The following MAX variants were observed in gnomAD, a reference collection of about 807,000 sequenced individuals.
The protein encoded by MAX is protein max.
MAX carries 3 observed loss-of-function variants against 22.3 expected under a neutral mutation model. The observed-to-expected ratio is 0.13, with a 90% CI of 0.06 to 0.35. The LOEUF is 0.35. Ranked by LOEUF, MAX falls within the 10% of genes least tolerant of loss-of-function variation. The pLI, the probability that MAX is intolerant of heterozygous loss-of-function variation, is 1.00. For missense variants in MAX, 119 were observed against 209.4 expected, an observed-to-expected ratio of 0.57 and a Z score of 2.66; for synonymous variants, 72 against 77.7, an observed-to-expected ratio of 0.93 and a Z score of 0.39.
At chr14:65,059,333 CT>C (rs549995463) in intron 3 of MAX, among the ~76,000 whole-genome samples, 68 of 146,652 alleles carry the variant, frequency 4.6e-4, no homozygotes, top group Non-Finnish European at 6.7e-4. Context: ...GCACTAGCCC[CT>C]TTTTTTTTTT....
chr14:65,022,493 G>T (rs776975458), intron 3 of MAX, among the ~76,000 whole-genome samples: 8 of 151,880 alleles, frequency 5.3e-5, no homozygotes, highest in Non-Finnish European at 1.0e-4. Context: ...ATTTTGCTGG[G>T]TAGCTTTCTC....
chr14:65,045,445 G>A (rs954576703), intron 3 of MAX, among the ~76,000 whole-genome samples: 8 of 126,116 alleles, frequency 6.3e-5, no homozygotes, highest in Admixed American at 1.1e-4. Flanking sequence ...AGATGGAGTC[G>A]TGCTCTGTCT....
chr14:65,094,321 C>G (rs531531723), intron 2 of MAX: 2 of 193,780 alleles, frequency 1.0e-5, no homozygotes, highest in African/African-American at 4.6e-5. Flanking sequence ...CACTAAAAGG[C>G]ACTAGTTTAA....
chr14:65,047,742 G>A lies in MAX; in HGVS notation c.172-41458C>T, dbSNP rs1354844636. ...TAGCAGCCTAAGTGCCTATCAAAAG[G>A]TTAAGGGTTAAATAATAAAAATCTC... is the stretch of plus-strand genomic sequence containing the variant. On this transcript the variant is annotated intron_variant, in intron 3 of 3. Transcript: ENST00000341653. This position sits in a 1 kb window ranked among gnomAD's most constrained non-coding sequence, Gnocchi z 5.2. Among the ~76,000 whole-genome samples, 1 of 152,128 alleles carries A rather than the reference G, an allele frequency of 6.6e-6. No homozygotes were observed. The highest frequency in any genetic ancestry group is 2.4e-5 in the African/African-American group (1 of 41,424).
At chr14:65,092,981 C>T (rs2063552637) in intron 3 of MAX, among the ~76,000 whole-genome samples, 1 of 152,206 alleles carries the variant, frequency 6.6e-6, no homozygotes, top group Non-Finnish European at 1.5e-5. Flanking sequence ...ATGGAACTAG[C>T]CATGCAGATG....
At chr14:65,055,627 G>A (rs1194322157) in intron 3 of MAX, among the ~76,000 whole-genome samples, 15 of 151,426 alleles carry the variant, frequency 9.9e-5, no homozygotes, top group Admixed American at 7.3e-4. Flanking sequence ...AGCAATTCTC[G>A]TGCCTCAGCC....
rs181761595 is a variant in MAX at position 65,099,274 on chromosome 14, T to C, written c.63+2272A>G. ...TAATTACATTGTGCAGAGTAATATT[T>C]AGAAATATCAACAAATAGATGTGTT... On this transcript the variant is annotated intron_variant, in intron 2 of 4. Transcript: ENST00000358664. 5.0e-3 allele frequency among the ~76,000 whole-genome samples: 767 copies of C among 152,178 alleles called. 1 individual carries two copies. The highest frequency in any genetic ancestry group is 8.1e-3 in the Non-Finnish European group (554 of 68,012).
chr14:65,074,894 T>C (rs573844986), downstream of MAX, among the ~76,000 whole-genome samples: 2 of 152,344 alleles, frequency 1.3e-5, no homozygotes, highest in East Asian at 3.9e-4. Context: ...TACATCCCTG[T>C]TGAACCTCAA....
At chr14:65,067,005 G>C (rs1372767976) in intron 3 of MAX, among the ~76,000 whole-genome samples, 1 of 147,336 alleles carries the variant, frequency 6.8e-6, no homozygotes, top group Non-Finnish European at 1.5e-5. Flanking sequence ...GCCACACTCT[G>C]TCTCTACAAA....
chr14:65,020,357 C>T (rs1051776283), intron 3 of MAX, among the ~76,000 whole-genome samples: 4 of 152,214 alleles, frequency 2.6e-5, no homozygotes, highest in Non-Finnish European at 4.4e-5. Context: ...AATTGATCCT[C>T]CTGCCTTAGC....
intron 3 of MAX, among the ~76,000 whole-genome samples, chr14:65,043,302 T>C (rs1420925518): frequency 6.6e-6 from 1 of 152,208 alleles, no homozygotes; most frequent in East Asian, 1.9e-4. Context: ...AAGCAAGGAA[T>C]GGTGGTATCG....
chr14:65,096,005 T>A (rs929615261), intron 2 of MAX, among the ~76,000 whole-genome samples: 1 of 152,164 alleles, frequency 6.6e-6, no homozygotes, highest in Non-Finnish European at 1.5e-5. Flanking sequence ...AGGACTCAAA[T>A]GGACAAGTCT....
chr14:65,010,098 T>A (rs925038670), intron 3 of MAX, among the ~76,000 whole-genome samples: 3 of 152,200 alleles, frequency 2.0e-5, no homozygotes, highest in South Asian at 2.1e-4. Flanking sequence ...TTCTGTGGTT[T>A]GTTGTCTTTT....
At position 65,012,284 on chromosome 14, in the gene MAX, T is replaced by G; in HGVS notation, c.172-6000A>C. On this transcript the variant is annotated intron_variant, in intron 3 of 3. Coordinates refer to the MAX transcript ENST00000341653. The surrounding 1 kb of genome is among the most constrained non-coding windows in gnomAD (Gnocchi z 5.0). The stretch of plus-strand genomic sequence containing the variant: ...TGTGTATGGTGGAAGCATAAGCTAT[T>G]AGAATGGGCTTATAAACTGTTTGTC... 6.2e-7 allele frequency: 1 copy of G among 1,613,606 alleles called. No homozygotes were observed.
In MAX at chr14:65,011,636, G is replaced by C. The variant is rs1197593781; in HGVS notation, c.172-5352C>G. ...CCTAGTCACACAGGCTCTTCTGCCA[G>C]ACCAAGAAAGAAGTGCAGCCTCTGT... On this transcript the variant is annotated intron_variant, in intron 3 of 3. Coordinates refer to the MAX transcript ENST00000341653. This position sits in a 1 kb window ranked among gnomAD's most constrained non-coding sequence, Gnocchi z 4.0. 6.6e-6 allele frequency among the ~76,000 whole-genome samples: 1 copy of C among 152,176 alleles called. No homozygotes were observed. The highest frequency in any genetic ancestry group is 2.4e-5 in the African/African-American group (1 of 41,438).
At chr14:65,063,711 C>T (rs1344427403) in intron 3 of MAX, among the ~76,000 whole-genome samples, 2 of 152,102 alleles carry the variant, frequency 1.3e-5, no homozygotes, top group Non-Finnish European at 1.5e-5. Flanking sequence ...ACCACAGGTG[C>T]ACACCACCAC....
rs983510769 is a variant in MAX, at chr14:65,029,431, C to G, written c.172-23147G>C. On this transcript the variant is annotated intron_variant, in intron 3 of 3. Coordinates refer to the MAX transcript ENST00000341653. The surrounding 1 kb of genome is among the most constrained non-coding windows in gnomAD (Gnocchi z 4.7). ...GCCCTTCTGGGATAGACAGCAGTCT[C>G]TGGATGATCTTTCTGCTCTGTTACA... 6.6e-6 allele frequency among the ~76,000 whole-genome samples: 1 copy of G among 152,198 alleles called. No homozygotes were observed. Among genetic ancestry groups the G allele is most frequent in the Non-Finnish European group, 1.5e-5 (1 of 68,038 alleles).
chr14:65,072,847 G>C (rs538462267), downstream of MAX, among the ~76,000 whole-genome samples: 2 of 152,222 alleles, frequency 1.3e-5, no homozygotes, highest in African/African-American at 4.8e-5. Flanking sequence ...CTTTAGTCTC[G>C]AAGAGTTTGT....
exon 4 of MAX, chr14:65,006,233 G>A (rs2061587485): frequency 1.9e-6 from 3 of 1,612,794 alleles, no homozygotes; most frequent in Non-Finnish European, 2.5e-6. Flanking sequence ...GTTGGAAAAG[G>A]CAAGTGTTCA....
Sources: allele counts gnomAD v4.1 joint callset (sites outside exome capture counted in the v4.1 genomes callset), GRCh38; gene constraint gnomAD v4.1.1; non-coding constraint Gnocchi (gnomAD v3.1); transcripts MANE v1.5; gene names NCBI Gene and HGNC (gene_info 2026-07-23, HGNC 2026-07-21).